PARD3B: variants seen among roughly 807,000 people sequenced by gnomAD.
PARD3B encodes the protein par-3 family cell polarity regulator beta, also known as partitioning defective 3 homolog B.
Under a neutral mutation model 130.2 loss-of-function variants are expected in PARD3B, and 103 were observed. The ratio of observed to expected loss-of-function variants is 0.79; its 90% CI spans 0.67 to 0.93. The LOEUF is 0.93. PARD3B is among the 40% of genes least tolerant of loss of function. PARD3B has a pLI of 0.00. For missense variants in PARD3B, 1,609 were observed against 1,499.2 expected, an observed-to-expected ratio of 1.07 and a Z score of -1.21; for synonymous variants, 583 against 553.2, an observed-to-expected ratio of 1.05 and a Z score of -0.76.
At position 205,458,756 on chromosome 2, in the gene PARD3B, TA is replaced by T. The variant is rs1477416472; in HGVS notation, c.3044+18085del. On this transcript the variant is annotated intron_variant, in intron 20 of 22. Coordinates refer to ENST00000406610, the MANE Select transcript of PARD3B (RefSeq NM_001302769.2). The surrounding 1 kb of genome is among the most constrained non-coding windows in gnomAD (Gnocchi z 4.8). ...TTAGTCATTTGGTCTTATCTCCTGG[TA>T]TGCATATTTTTGATCAAATGCTAGA... Among the ~76,000 whole-genome samples, 2 of 152,202 alleles carry T rather than the reference TA, an allele frequency of 1.3e-5. No homozygotes were observed. Among genetic ancestry groups the T allele is most frequent in the Non-Finnish European group, 2.9e-5 (2 of 68,032 alleles).
intron 7 of PARD3B, among the ~76,000 whole-genome samples, chr2:205,120,798 G>T (rs2030609996): frequency 6.6e-6 from 1 of 152,202 alleles, no homozygotes; most frequent in Non-Finnish European, 1.5e-5. Context: ...TCTCTCTACT[G>T]AACCAGCCGC....
At chr2:205,259,645 C>T (rs2040226116) in intron 16 of PARD3B, among the ~76,000 whole-genome samples, 1 of 152,168 alleles carries the variant, frequency 6.6e-6, no homozygotes, top group African/African-American at 2.4e-5. Context: ...ATGCCTCTTG[C>T]TCATTCTGTC....
chr2:205,467,167 CT>C (rs1430865418), intron 20 of PARD3B, among the ~76,000 whole-genome samples: 1 of 152,072 alleles, frequency 6.6e-6, no homozygotes, highest in African/African-American at 2.4e-5. Context: ...ATTACGTGAC[CT>C]TTTTTTGACC....
intron 2 of PARD3B, among the ~76,000 whole-genome samples, chr2:204,787,788 C>G (rs2042062061): frequency 6.6e-6 from 1 of 152,160 alleles, no homozygotes; most frequent in African/African-American, 2.4e-5. Flanking sequence ...TTAACACCAA[C>G]TTTTTGGGCA....
At chr2:205,524,871 TACTCCTCAATGACTC>T (rs2051266456) in intron 21 of PARD3B, among the ~76,000 whole-genome samples, 1 of 152,212 alleles carries the variant, frequency 6.6e-6, no homozygotes, top group African/African-American at 2.4e-5. Flanking sequence ...TTCCAATACA[TACTCCTCAATGACTC>T]ACACTGGTGC....
chr2:205,327,256 C>A (rs1057188385), intron 18 of PARD3B, among the ~76,000 whole-genome samples: 1 of 152,174 alleles, frequency 6.6e-6, no homozygotes, highest in African/African-American at 2.4e-5. Context: ...TGCTCCACTG[C>A]CCCACCTTTA....
At chr2:204,764,747 TA>T (rs2041069976) in intron 2 of PARD3B, among the ~76,000 whole-genome samples, 1 of 151,286 alleles carries the variant, frequency 6.6e-6, no homozygotes, top group Non-Finnish European at 1.5e-5. Flanking sequence ...TGTGTGTAGT[TA>T]ATTTTTTAAT....
intron 2 of PARD3B, among the ~76,000 whole-genome samples, chr2:204,833,586 C>G (rs983275218): frequency 3.9e-5 from 6 of 152,028 alleles, no homozygotes; most frequent in Non-Finnish European, 8.8e-5. Context: ...GTGGGTCTTT[C>G]CTGTGCTGTT....
intron 1 of PARD3B, among the ~76,000 whole-genome samples, chr2:204,573,037 CAG>C (rs2032082147): frequency 6.6e-6 from 1 of 152,218 alleles, no homozygotes; most frequent in South Asian, 2.1e-4. Context: ...GCTAAAGCCA[CAG>C]AGACTGTGTG....
chr2:205,453,105 G>A (rs1350419783), intron 20 of PARD3B, among the ~76,000 whole-genome samples: 2 of 152,138 alleles, frequency 1.3e-5, no homozygotes, highest in Non-Finnish European at 2.9e-5. Flanking sequence ...AGAACCCAGA[G>A]TTTCTTGCCC....
intron 19 of PARD3B, among the ~76,000 whole-genome samples, chr2:205,404,361 T>C (rs1459433827): frequency 2.0e-5 from 3 of 152,162 alleles, no homozygotes; most frequent in African/African-American, 7.2e-5. Context: ...TATACATAGG[T>C]TATATGCAAA....
At chr2:205,022,675 T>A (rs558163362) in intron 3 of PARD3B, among the ~76,000 whole-genome samples, 20 of 152,336 alleles carry the variant, frequency 1.3e-4, no homozygotes, top group African/African-American at 4.6e-4. Flanking sequence ...TGCCTGCAGC[T>A]GATCTCAAGA....
chr2:204,863,858 C>T (rs1175846436), intron 2 of PARD3B, among the ~76,000 whole-genome samples: 5 of 152,120 alleles, frequency 3.3e-5, no homozygotes, highest in African/African-American at 9.7e-5. Context: ...TTAAGAAAAA[C>T]CTTTTCAGAA....
At chr2:205,491,490 A>G (rs1390298437) in intron 20 of PARD3B, among the ~76,000 whole-genome samples, 1 of 152,160 alleles carries the variant, frequency 6.6e-6, no homozygotes, top group East Asian at 1.9e-4. Flanking sequence ...TACCAGTACC[A>G]TACTGTTTTG....
At chr2:204,570,606 T>A (rs1359945961) in intron 1 of PARD3B, among the ~76,000 whole-genome samples, 1 of 152,216 alleles carries the variant, frequency 6.6e-6, no homozygotes, top group Non-Finnish European at 1.5e-5. Context: ...TGATAATGAC[T>A]TGTTAAAAGC....
At chr2:205,419,346 G>T (rs1258490077) in intron 19 of PARD3B, among the ~76,000 whole-genome samples, 1 of 152,100 alleles carries the variant, frequency 6.6e-6, no homozygotes, top group African/African-American at 2.4e-5. Flanking sequence ...ATGATGTGAG[G>T]CCCCCACTAG....
At chr2:204,670,256 T>G (rs1284089997) in intron 1 of PARD3B, among the ~76,000 whole-genome samples, 2 of 152,230 alleles carry the variant, frequency 1.3e-5, no homozygotes, top group Non-Finnish European at 2.9e-5. Context: ...TGACCTCTGT[T>G]GCAGCTGCTC....
Position 205,283,307 on chromosome 2 carries a change from A to G in PARD3B, c.2186-17223A>G, listed in dbSNP as rs115817910. On this transcript the variant is annotated intron_variant, in intron 16 of 22. Transcript: ENST00000406610. ...CTTTTTTTGTTTGTTTGTTTTTGAG[A>G]CAGTCTCACTGTGTCTCCCAGGCTG... is the stretch of plus-strand genomic sequence containing the variant. Among the ~76,000 whole-genome samples the G allele has an allele frequency of 3.9e-3, 592 of 152,248 alleles. 1 individual carries two copies. The highest frequency in any genetic ancestry group is 0.014 in the African/African-American group (566 of 41,566).
At chr2:205,104,884 A>T (rs961575272) in intron 5 of PARD3B, among the ~76,000 whole-genome samples, 1 of 152,192 alleles carries the variant, frequency 6.6e-6, no homozygotes, top group Non-Finnish European at 1.5e-5. Flanking sequence ...CCACCGGGGA[A>T]CCCTAAATTT....
Sources: gnomAD v4.1 joint callset for allele counts (sites outside exome capture counted in the v4.1 genomes callset) on GRCh38, gnomAD v4.1.1 for gene constraint, Gnocchi (gnomAD v3.1) non-coding constraint, MANE v1.5 for transcripts, NCBI Gene and HGNC (gene_info 2026-07-23, HGNC 2026-07-21) for gene names.